CHLSN: variants seen among roughly 807,000 people sequenced by gnomAD.
CHLSN encodes the protein cholesin.
chr7:1,025,829 G>A, the CHLSN span: 1 of 152,318 alleles, frequency 6.6e-6, no homozygotes, highest in South Asian at 2.1e-4. Flanking sequence ...GGCCTCCAGA[G>A]GCAGGCTGGG....
chr7:1,059,245 TA>T, the CHLSN span: 1 of 166,696 alleles, frequency 6.0e-6, no homozygotes, highest in Non-Finnish European at 1.5e-5. Context: ...AGAATATAAA[TA>T]AACAAAAGAA....
chr7:1,040,908 G>A, the CHLSN span, among the ~76,000 whole-genome samples: 23,473 of 152,268 alleles, frequency 0.15, 1,980 homozygotes, highest in Admixed American at 0.21. Flanking sequence ...AGGCAGACGT[G>A]CCGGCTGCAG....
chr7:984,441 C>T, the CHLSN span: 10 of 1,549,232 alleles, frequency 6.5e-6, no homozygotes, highest in Admixed American at 2.0e-5. Flanking sequence ...CGGTGTTCAC[C>T]GTGCACCTGG....
At chr7:1,032,471 C>A in the CHLSN span, among the ~76,000 whole-genome samples, 2 of 152,052 alleles carry the variant, frequency 1.3e-5, no homozygotes, top group African/African-American at 2.4e-5. Context: ...CCGCCAGGCA[C>A]CCCCAGGTGA....
At chr7:1,020,160 C>T in the CHLSN span, among the ~76,000 whole-genome samples, 2 of 152,176 alleles carry the variant, frequency 1.3e-5, no homozygotes, top group African/African-American at 2.4e-5. Context: ...GCAGGCCCCG[C>T]GTGCGATGCC....
chr7:1,002,411 CGGTGGGGAGTCCTGTG>C, the CHLSN span, among the ~76,000 whole-genome samples: 3 of 20,198 alleles, frequency 1.5e-4, no homozygotes, highest in Admixed American at 7.0e-4. Context: ...GGAGTCCTGC[CGGTGGGGAGTCCTGTG>C]GGTGGGGAGT....
chr7:1,108,301 T>C, the CHLSN span, among the ~76,000 whole-genome samples: 2 of 145,934 alleles, frequency 1.4e-5, no homozygotes, highest in Non-Finnish European at 3.0e-5. Context: ...AGGGGAGGGC[T>C]GTGTCCCACA....
chr7:1,108,274 G>A, the CHLSN span, among the ~76,000 whole-genome samples: 51 of 141,926 alleles, frequency 3.6e-4, 2 homozygotes, highest in Non-Finnish European at 6.9e-4. Context: ...CTGGAGTCCC[G>A]CACCCCGGGG....
chr7:1,093,541 CGTCTGCTCCG>C, the CHLSN span: 4 of 470,928 alleles, frequency 8.5e-6, no homozygotes, highest in Admixed American at 9.4e-5. Flanking sequence ...GAGCGCCCGC[CGTCTGCTCCG>C]GGGTGGTTCA....
the CHLSN span, among the ~76,000 whole-genome samples, chr7:1,019,751 C>T: frequency 1.3e-5 from 2 of 152,178 alleles, no homozygotes; most frequent in East Asian, 3.9e-4. Flanking sequence ...AAGCAGGAAG[C>T]GGAGACTGGT....
At chr7:993,238 A>G in the CHLSN span, among the ~76,000 whole-genome samples, 3,596 of 152,024 alleles carry the variant, frequency 0.024, 61 homozygotes, top group South Asian at 0.036. Context: ...GCGTGGAGAG[A>G]GCGCCCGTTC....
chr7:983,331 C>T, the CHLSN span: 11 of 1,539,206 alleles, frequency 7.1e-6, no homozygotes, highest in South Asian at 1.2e-5. Context: ...CGCTGCCGCT[C>T]GTCGGGAACC....
chr7:1,070,660 C>T, the CHLSN span, among the ~76,000 whole-genome samples: 3 of 150,218 alleles, frequency 2.0e-5, no homozygotes, highest in Non-Finnish European at 4.4e-5. Context: ...CACACACATG[C>T]ACGCACATAC....
the CHLSN span, chr7:1,092,466 G>T: frequency 6.2e-7 from 1 of 1,607,940 alleles, no homozygotes. Context: ...GGGCGCACCG[G>T]CACCGTGGGC....
the CHLSN span, among the ~76,000 whole-genome samples, chr7:1,052,152 C>G: frequency 2.6e-5 from 4 of 152,282 alleles, no homozygotes; most frequent in African/African-American, 7.2e-5. This position sits in a 1 kb window ranked among gnomAD's most constrained non-coding sequence, Gnocchi z 4.2. Flanking sequence ...AGCCCCTCCC[C>G]TCCTGGCCCG....
At chr7:1,121,067 G>A in the CHLSN span, among the ~76,000 whole-genome samples, 1 of 152,160 alleles carries the variant, frequency 6.6e-6, no homozygotes, top group Non-Finnish European at 1.5e-5. Flanking sequence ...GGATGGACAC[G>A]GGGCAGCGTG....
the CHLSN span, among the ~76,000 whole-genome samples, chr7:1,006,258 GC>G: frequency 2.6e-5 from 4 of 152,234 alleles, no homozygotes; most frequent in East Asian, 3.9e-4. Context: ...CAAGCCTGGG[GC>G]CCCTGCTGGG....
chr7:1,080,502 A>G, the CHLSN span, among the ~76,000 whole-genome samples: 5 of 152,182 alleles, frequency 3.3e-5, no homozygotes, highest in Non-Finnish European at 5.9e-5. Context: ...AGCAGAGTGC[A>G]GCCGCACGGC....
the CHLSN span, chr7:1,092,828 C>A: frequency 5.0e-6 from 8 of 1,613,010 alleles, no homozygotes; most frequent in Non-Finnish European, 6.8e-6. Flanking sequence ...ACCGAGCAGT[C>A]GGATGTGAGG....
Sources: allele counts gnomAD v4.1 joint callset (sites outside exome capture counted in the v4.1 genomes callset), GRCh38; gene constraint gnomAD v4.1.1; non-coding constraint Gnocchi (gnomAD v3.1); transcripts MANE v1.5; gene names NCBI Gene and HGNC (gene_info 2026-07-23, HGNC 2026-07-21).